BNC2: variants seen among roughly 807,000 people sequenced by gnomAD.
The protein encoded by BNC2 is basonuclin zinc finger protein 2.
A neutral mutation model predicts 76.3 loss-of-function variants in BNC2; 20 were observed. The observed-to-expected ratio is 0.26, with a 90% CI of 0.18 to 0.38. The LOEUF (loss-of-function observed/expected upper bound fraction) is 0.38. Among genes scored for constraint, BNC2 ranks in the 10% least tolerant of loss-of-function variants. The probability of loss-of-function intolerance (pLI) is 1.00; values close to 1 mark genes in which losing one functional copy is unlikely to be tolerated. For missense variants in BNC2, 1,382 were observed against 1,399.8 expected (o/e 0.99, Z 0.20); for synonymous variants, 582 against 514.8 (o/e 1.13, Z -1.77).
At chr9:16,783,705 C>A (rs1007388161) in intron 1 of BNC2, among the ~76,000 whole-genome samples, 5 of 152,126 alleles carry the variant, frequency 3.3e-5, no homozygotes, top group African/African-American at 1.2e-4. Context: ...ACAAATTAAA[C>A]CTCTACTTCA....
chr9:16,467,500 C>T (rs1368108252), intron 5 of BNC2, among the ~76,000 whole-genome samples: 1 of 120,150 alleles, frequency 8.3e-6, no homozygotes, highest in East Asian at 2.5e-4. Flanking sequence ...TACTATGCAG[C>T]CATAAAAAAT....
chr9:16,653,302 C>G (rs1821841438), intron 3 of BNC2, among the ~76,000 whole-genome samples: 1 of 152,084 alleles, frequency 6.6e-6, no homozygotes, highest in South Asian at 2.1e-4. Flanking sequence ...AGAGGGGAAA[C>G]ACACGCACTC....
chr9:16,788,520 T>G (rs981308588), intron 1 of BNC2, among the ~76,000 whole-genome samples: 1 of 134,316 alleles, frequency 7.4e-6, no homozygotes, highest in Non-Finnish European at 1.5e-5. Flanking sequence ...GCCACTGCAC[T>G]CCACCCTGGG....
chr9:16,638,399 GA>G (rs1203798797), intron 3 of BNC2, among the ~76,000 whole-genome samples: 1 of 152,080 alleles, frequency 6.6e-6, no homozygotes, highest in Non-Finnish European at 1.5e-5. Flanking sequence ...GGATAAAACA[GA>G]AAACTTGGAT....
intron 3 of BNC2, among the ~76,000 whole-genome samples, chr9:16,653,350 G>A (rs985791470): frequency 6.6e-6 from 1 of 152,032 alleles, no homozygotes; most frequent in South Asian, 2.1e-4. Context: ...TCTCCCCTTC[G>A]ATATGTACAA....
At chr9:16,501,059 C>G (rs1222325899) in intron 5 of BNC2, among the ~76,000 whole-genome samples, 1 of 152,232 alleles carries the variant, frequency 6.6e-6, no homozygotes, top group East Asian at 1.9e-4. Context: ...AACAAGTTAC[C>G]TAAGTGATCT....
intron 5 of BNC2, among the ~76,000 whole-genome samples, chr9:16,536,517 A>AT (rs201519140): frequency 1.0e-3 from 154 of 152,034 alleles, no homozygotes; most frequent in Non-Finnish European, 1.2e-3. Context: ...TTTTGTTTTT[A>AT]TTTTTTTCCC....
At chr9:16,560,337 G>A (rs1227159785) in intron 4 of BNC2, among the ~76,000 whole-genome samples, 2 of 152,194 alleles carry the variant, frequency 1.3e-5, no homozygotes, top group Non-Finnish European at 2.9e-5. Flanking sequence ...GTAAGGAGCT[G>A]TATTTATAAA....
chr9:16,778,782 G>A (rs10123118), intron 1 of BNC2, among the ~76,000 whole-genome samples: 14,444 of 152,120 alleles, frequency 0.095, 851 homozygotes, highest in Admixed American at 0.19. Context: ...AACAACTTCA[G>A]AAAGGACTCC....
intron 3 of BNC2, among the ~76,000 whole-genome samples, chr9:16,584,346 ACATGAC>A (rs1176740352): frequency 2.0e-5 from 3 of 152,222 alleles, no homozygotes; most frequent in African/African-American, 7.2e-5. Flanking sequence ...GATATTGTTA[ACATGAC>A]TGGGACAAAT....
chr9:16,869,235 C>T (rs934299809), intron 1 of BNC2, among the ~76,000 whole-genome samples: 1 of 145,322 alleles, frequency 6.9e-6, no homozygotes, highest in Non-Finnish European at 1.5e-5. Context: ...ATAAAACAGG[C>T]CACTTTTTGC....
At chr9:16,741,220 G>A (rs745757325) in intron 1 of BNC2, among the ~76,000 whole-genome samples, 18 of 152,114 alleles carry the variant, frequency 1.2e-4, no homozygotes, top group East Asian at 3.9e-4. Context: ...TTGGGAAGCC[G>A]AGGTGGGCGG....
At chr9:16,835,805 T>C (rs1818693145) in intron 1 of BNC2, among the ~76,000 whole-genome samples, 1 of 152,234 alleles carries the variant, frequency 6.6e-6, no homozygotes, top group Admixed American at 6.5e-5. Context: ...TTTAACTCTC[T>C]TGCCAAGAAA....
chr9:16,778,372 C>A (rs1285611530), intron 1 of BNC2, among the ~76,000 whole-genome samples: 1 of 152,132 alleles, frequency 6.6e-6, no homozygotes, highest in Non-Finnish European at 1.5e-5. Flanking sequence ...GATTCTGAAA[C>A]AAAGACACAA....
chr9:16,435,437 C>T (rs1028293516), intron 6 of BNC2, 118 bp downstream of exon 6: 13 of 1,238,350 alleles, frequency 1.0e-5, no homozygotes, highest in African/African-American at 1.5e-5. Flanking sequence ...TCACTGTGGA[C>T]AATCTTTACA....
At chr9:16,788,330 G>A (rs76211545) in intron 1 of BNC2, among the ~76,000 whole-genome samples, 92,831 of 150,820 alleles carry the variant, frequency 0.62, 29,210 homozygotes, top group Non-Finnish European at 0.69. Flanking sequence ...AAGGTGGGCA[G>A]ATCATGAAGT....
At chr9:16,473,668 T>G (rs1821870473) in intron 5 of BNC2, among the ~76,000 whole-genome samples, 1 of 151,526 alleles carries the variant, frequency 6.6e-6, no homozygotes, top group Non-Finnish European at 1.5e-5. Flanking sequence ...AGGTTAGGAG[T>G]TCGAGACCAG....
chr9:16,482,934 C>A (rs879760749), intron 5 of BNC2, among the ~76,000 whole-genome samples: 18 of 152,336 alleles, frequency 1.2e-4, no homozygotes, highest in Admixed American at 5.2e-4. Context: ...AACACCCCAA[C>A]TATCCATCTT....
intron 3 of BNC2, among the ~76,000 whole-genome samples, chr9:16,643,737 A>C (rs2133875807): frequency 6.6e-6 from 1 of 152,278 alleles, no homozygotes; most frequent in South Asian, 2.1e-4. Context: ...CTATTCAAAA[A>C]TCATTTTTAG....
Sources: allele counts gnomAD v4.1 joint callset (sites outside exome capture counted in the v4.1 genomes callset), GRCh38; gene constraint gnomAD v4.1.1; transcripts MANE v1.5; gene names NCBI Gene and HGNC (gene_info 2026-07-23, HGNC 2026-07-21).